EXOC6: variants seen among roughly 807,000 people sequenced by gnomAD.
EXOC6 encodes the protein exocyst complex component 6, also known as SEC15-like 1.
EXOC6 carries 60 observed loss-of-function variants against 112.5 expected under a neutral mutation model. The ratio of observed to expected loss-of-function variants is 0.53; its 90% CI spans 0.43 to 0.66. The LOEUF (loss-of-function observed/expected upper bound fraction) is 0.66, where lower values mean the gene tolerates loss of function less well. EXOC6 is among the 30% of genes least tolerant of loss of function. The pLI is 0.00. For missense variants in EXOC6, 855 were observed against 957.1 expected, an observed-to-expected ratio of 0.89 and a Z score of 1.41; for synonymous variants, 295 against 308.0, an observed-to-expected ratio of 0.96 and a Z score of 0.44.
intron 7 of EXOC6, among the ~76,000 whole-genome samples, chr10:92,917,122 C>G (rs1851133969): frequency 1.3e-5 from 2 of 151,878 alleles, no homozygotes; most frequent in Admixed American, 6.6e-5. Flanking sequence ...GCCACCATGC[C>G]CGGCTGGCTA....
chr10:93,005,113 A>T (rs1463876502), intron 19 of EXOC6, among the ~76,000 whole-genome samples: 1 of 152,242 alleles, frequency 6.6e-6, no homozygotes, highest in Non-Finnish European at 1.5e-5. Flanking sequence ...AGTAATTAAT[A>T]ACTTCATTAA....
intron 20 of EXOC6, among the ~76,000 whole-genome samples, 186 bp downstream of exon 20, chr10:93,014,453 A>G (rs879277254): frequency 1.3e-5 from 2 of 152,142 alleles, no homozygotes; most frequent in African/African-American, 2.4e-5. Context: ...CAGTACCTCA[A>G]CTTCATAGAG....
At chr10:92,986,969 T>C (rs1843035315) in intron 18 of EXOC6, among the ~76,000 whole-genome samples, 1 of 152,160 alleles carries the variant, frequency 6.6e-6, no homozygotes, top group African/African-American at 2.4e-5. Flanking sequence ...TTTAAATAAT[T>C]AGCTGTAAAA....
chr10:92,962,301 G>A (rs557102460), intron 17 of EXOC6, among the ~76,000 whole-genome samples: 50 of 152,206 alleles, frequency 3.3e-4, no homozygotes, highest in African/African-American at 1.2e-3. Context: ...TAAACTGAGT[G>A]TCATTTTTCA....
chr10:93,048,751 G>A (rs1299458971), intron 20 of EXOC6, among the ~76,000 whole-genome samples: 24 of 79,404 alleles, frequency 3.0e-4, no homozygotes, highest in African/African-American at 1.5e-3. Flanking sequence ...GTGAGACTCC[G>A]TCTCAAAAAA....
chr10:92,940,250 TA>T (rs1188447864), intron 12 of EXOC6, among the ~76,000 whole-genome samples: 1 of 152,148 alleles, frequency 6.6e-6, no homozygotes, highest in South Asian at 2.1e-4. Context: ...TCGGAAAGAA[TA>T]AAATTCGGAA....
intron 12 of EXOC6, among the ~76,000 whole-genome samples, chr10:92,936,549 C>T (rs906417965): frequency 1.3e-5 from 2 of 152,220 alleles, no homozygotes; most frequent in Admixed American, 6.5e-5. Flanking sequence ...GAGCCGAGAT[C>T]GCGCCACTGC....
upstream of EXOC6, among the ~76,000 whole-genome samples, chr10:92,833,403 G>A (rs1846554142): frequency 6.6e-6 from 1 of 152,224 alleles, no homozygotes; most frequent in South Asian, 2.1e-4. Context: ...ACAGAAAAAT[G>A]CCTTAGAGGC....
At chr10:92,890,105 G>A (rs1288476872) in intron 1 of EXOC6, among the ~76,000 whole-genome samples, 1 of 152,094 alleles carries the variant, frequency 6.6e-6, no homozygotes, top group Non-Finnish European at 1.5e-5. Context: ...CATAAACATG[G>A]AATAGTTCTT....
chr10:93,022,886 A>G (rs924475511), intron 20 of EXOC6, among the ~76,000 whole-genome samples: 6 of 152,054 alleles, frequency 3.9e-5, no homozygotes, highest in Admixed American at 3.9e-4. Context: ...GCTATTTCAT[A>G]GCATATTGCT....
chr10:93,033,925 A>G (rs1173626467), intron 20 of EXOC6, among the ~76,000 whole-genome samples: 1 of 152,222 alleles, frequency 6.6e-6, no homozygotes, highest in East Asian at 1.9e-4. Flanking sequence ...GGAGTGTAAA[A>G]AGAAAGCCAC....
intron 5 of EXOC6, among the ~76,000 whole-genome samples, chr10:92,905,111 TTC>T (rs1487869951): frequency 2.0e-5 from 3 of 152,088 alleles, no homozygotes; most frequent in Non-Finnish European, 2.9e-5. Context: ...TTTCTGTGCT[TTC>T]TGTTTCATTT....
chr10:93,032,665 A>G (rs570451883), intron 20 of EXOC6, among the ~76,000 whole-genome samples: 1 of 152,346 alleles, frequency 6.6e-6, no homozygotes, highest in East Asian at 1.9e-4. Flanking sequence ...AGTGCAGAAG[A>G]CAGTGGTGAA....
At chr10:93,044,316 C>T (rs1429056545) in intron 20 of EXOC6, among the ~76,000 whole-genome samples, 4 of 152,082 alleles carry the variant, frequency 2.6e-5, no homozygotes, top group Non-Finnish European at 4.4e-5. Context: ...ATAAGAGAAG[C>T]ACCTTTGAGA....
At chr10:92,947,703 A>T (rs748806781) in intron 13 of EXOC6, among the ~76,000 whole-genome samples, 1 of 152,146 alleles carries the variant, frequency 6.6e-6, no homozygotes, top group Non-Finnish European at 1.5e-5. Context: ...AGGTCAGGAG[A>T]TCGAGACCAT....
At chr10:92,887,826 A>C (rs148932910) in intron 1 of EXOC6, among the ~76,000 whole-genome samples, 2 of 152,194 alleles carry the variant, frequency 1.3e-5, no homozygotes, top group Non-Finnish European at 2.9e-5. Context: ...CATTTGATGA[A>C]TTTTTGATTC....
chr10:92,869,648 A>G (rs1406857613), intron 1 of EXOC6, among the ~76,000 whole-genome samples: 2 of 152,114 alleles, frequency 1.3e-5, no homozygotes, highest in African/African-American at 4.8e-5. Context: ...TTTTGCTCAT[A>G]TATAAATGAA....
intron 5 of EXOC6, among the ~76,000 whole-genome samples, chr10:92,906,019 C>T (rs1850424507): frequency 6.6e-6 from 1 of 152,050 alleles, no homozygotes; most frequent in Admixed American, 6.6e-5. Flanking sequence ...TTTTGATGCT[C>T]TGTTGTTAGT....
At chr10:93,042,342 G>C (rs1429735609) in intron 20 of EXOC6, among the ~76,000 whole-genome samples, 1 of 152,136 alleles carries the variant, frequency 6.6e-6, no homozygotes, top group East Asian at 1.9e-4. Context: ...TCTGATAATA[G>C]CCTATACATA....
Sources: gnomAD v4.1 joint callset for allele counts (sites outside exome capture counted in the v4.1 genomes callset) on GRCh38, gnomAD v4.1.1 for gene constraint, MANE v1.5 for transcripts, NCBI Gene and HGNC (gene_info 2026-07-23, HGNC 2026-07-21) for gene names.